STK32B: variants seen among roughly 807,000 people sequenced by gnomAD.
The protein encoded by STK32B is serine/threonine-protein kinase 32B.
In STK32B, 43 loss-of-function variants were observed where a neutral mutation model predicts 52.6. That is an observed-to-expected ratio of 0.82 (90% CI 0.64 to 1.05). The LOEUF (loss-of-function observed/expected upper bound fraction) is 1.05. Ranked by LOEUF, STK32B falls within the 50% of genes least tolerant of loss-of-function variation. The pLI, the probability that STK32B is intolerant of heterozygous loss-of-function variation, is 0.00. For missense variants in STK32B, 621 were observed against 534.6 expected (o/e 1.16, Z -1.59); for synonymous variants, 238 against 204.3 (o/e 1.17, Z -1.41).
At chr4:5,409,176 C>T (rs2109060723) in intron 5 of STK32B, among the ~76,000 whole-genome samples, 1 of 152,226 alleles carries the variant, frequency 6.6e-6, no homozygotes, top group South Asian at 2.1e-4. Flanking sequence ...ATCTCATCAG[C>T]AGAATCGAAA....
intron 3 of STK32B, among the ~76,000 whole-genome samples, chr4:5,308,316 T>C (rs1013809708): frequency 2.0e-5 from 3 of 152,190 alleles, no homozygotes; most frequent in Admixed American, 1.3e-4. Context: ...CAGTAGTTCT[T>C]GGAACAGAAG....
intron 2 of STK32B, among the ~76,000 whole-genome samples, chr4:5,152,486 G>T (rs1423874168): frequency 6.6e-6 from 1 of 152,220 alleles, no homozygotes; most frequent in South Asian, 2.1e-4. Context: ...GGAAATATTT[G>T]TGAGACAGGA....
At chr4:5,112,609 A>C (rs1714464164) in intron 1 of STK32B, among the ~76,000 whole-genome samples, 1 of 152,158 alleles carries the variant, frequency 6.6e-6, no homozygotes, top group Non-Finnish European at 1.5e-5. Context: ...TCAAATGTTA[A>C]TCTCATTTCC....
intron 7 of STK32B, among the ~76,000 whole-genome samples, chr4:5,450,102 C>T (rs1330897323): frequency 6.6e-6 from 1 of 152,130 alleles, no homozygotes; most frequent in African/African-American, 2.4e-5. Context: ...GAACCCTGTG[C>T]TTTTGGTTGG....
chr4:5,164,642 G>A (rs1349193987), intron 2 of STK32B, among the ~76,000 whole-genome samples: 9 of 152,200 alleles, frequency 5.9e-5, no homozygotes. Flanking sequence ...GTTGCAGGCT[G>A]CTAGCTTTAC....
chr4:5,170,413 C>T (rs370154492), intron 3 of STK32B, among the ~76,000 whole-genome samples: 60 of 152,210 alleles, frequency 3.9e-4, no homozygotes, highest in African/African-American at 1.1e-3. Flanking sequence ...CACCCATTAA[C>T]TCGTCATTTA....
At chr4:5,316,325 T>TTA (rs1411387130) in intron 3 of STK32B, among the ~76,000 whole-genome samples, 1 of 51,252 alleles carries the variant, frequency 2.0e-5, no homozygotes, top group Non-Finnish European at 2.8e-5. Flanking sequence ...ATATTATATA[T>TTA]TATATACAAT....
At chr4:5,206,587 A>G (rs1722590952) in intron 3 of STK32B, among the ~76,000 whole-genome samples, 1 of 152,128 alleles carries the variant, frequency 6.6e-6, no homozygotes, top group South Asian at 2.1e-4. Context: ...GGATAGGCCG[A>G]TGAATGGAGG....
intron 3 of STK32B, among the ~76,000 whole-genome samples, chr4:5,181,494 A>G (rs1411255787): frequency 6.6e-6 from 1 of 152,230 alleles, no homozygotes; most frequent in African/African-American, 2.4e-5. Flanking sequence ...GGTTTTATGT[A>G]TGGTAACCTA....
chr4:5,322,650 A>G (rs1278072405), intron 3 of STK32B, among the ~76,000 whole-genome samples: 18 of 152,204 alleles, frequency 1.2e-4, no homozygotes, highest in Admixed American at 1.1e-3. Flanking sequence ...CCTGGAGACT[A>G]AGAAAGGTCT....
At chr4:5,498,798 C>T (rs572780669) in intron 11 of STK32B, 147 bp from the exon 12 acceptor site, 31 of 1,225,854 alleles carry the variant, frequency 2.5e-5, no homozygotes, top group Non-Finnish European at 3.1e-5. Context: ...TGCACAGCAC[C>T]GTGGATGCCT....
intron 1 of STK32B, among the ~76,000 whole-genome samples, chr4:5,079,208 C>T (rs1712261636): frequency 1.3e-5 from 2 of 152,116 alleles, no homozygotes; most frequent in Admixed American, 1.3e-4. Context: ...ATTTATTTAA[C>T]TATATTCCTA....
Position 5,396,659 on chromosome 4 carries a change from C to T in STK32B, c.435-1548C>T, listed in dbSNP as rs1212961033. Among the ~76,000 whole-genome samples, 1 of 152,164 alleles carries T rather than the reference C, an allele frequency of 6.6e-6. No homozygotes were observed. Among genetic ancestry groups the T allele is most frequent in the Non-Finnish European group, 1.5e-5 (1 of 68,024 alleles). ...GGCCACAGCCATCTCCTCCCTGGTCCCCACACCACACATTAAATCATCTCA... is the reference window on the plus strand; with the variant it reads ...GGCCACAGCCATCTCCTCCCTGGTCTCCACACCACACATTAAATCATCTCA... On this transcript the variant is annotated intron_variant, in intron 4 of 11. Transcript: ENST00000282908. This position sits in a 1 kb window ranked among gnomAD's most constrained non-coding sequence, Gnocchi z 4.7.
intron 3 of STK32B, among the ~76,000 whole-genome samples, chr4:5,220,777 A>ACAGAGG (rs1198255715): frequency 6.6e-6 from 1 of 152,174 alleles, no homozygotes; most frequent in East Asian, 1.9e-4. Flanking sequence ...GGCAGAAAGA[A>ACAGAGG]CAGAGGCAGG....
intron 3 of STK32B, among the ~76,000 whole-genome samples, chr4:5,296,622 T>G (rs1408759078): frequency 6.6e-6 from 1 of 152,218 alleles, no homozygotes; most frequent in South Asian, 2.1e-4. Flanking sequence ...TTGGTGAATA[T>G]CCCTCCATCC....
chr4:5,480,512 T>C (rs1170824068), intron 11 of STK32B, among the ~76,000 whole-genome samples: 2 of 152,164 alleles, frequency 1.3e-5, no homozygotes, highest in African/African-American at 2.4e-5. Context: ...ATTAGTTGAG[T>C]TTATCTGAAG....
chr4:5,396,031 G>A lies in STK32B; in HGVS notation c.435-2176G>A, dbSNP rs1484530572. On this transcript the variant is annotated intron_variant, in intron 4 of 11. Transcript: ENST00000282908. The surrounding 1 kb of genome is among the most constrained non-coding windows in gnomAD (Gnocchi z 4.7). ...AATGGGGCCCTAGCTGCCCTTTGAG[G>A]TTTGCCCTCAACTCTATCAGCTCTC... 1.3e-5 allele frequency among the ~76,000 whole-genome samples: 2 copies of A among 152,230 alleles called. No individual in the cohort carries two copies. The highest frequency in any genetic ancestry group is 1.5e-5 in the Non-Finnish European group (1 of 68,034).
chr4:5,451,751 T>A (rs1716019771), intron 7 of STK32B, among the ~76,000 whole-genome samples: 1 of 152,154 alleles, frequency 6.6e-6, no homozygotes, highest in Admixed American at 6.5e-5. Flanking sequence ...CCCCACCCAG[T>A]TATGACAATC....
chr4:5,381,013 C>T (rs1389867659), intron 4 of STK32B, among the ~76,000 whole-genome samples: 1 of 152,144 alleles, frequency 6.6e-6, no homozygotes. Flanking sequence ...GTGTAAATGA[C>T]CACGCTGATC....
Sources: allele counts gnomAD v4.1 joint callset (sites outside exome capture counted in the v4.1 genomes callset), GRCh38; gene constraint gnomAD v4.1.1; non-coding constraint Gnocchi (gnomAD v3.1); transcripts MANE v1.5; gene names NCBI Gene and HGNC (gene_info 2026-07-23, HGNC 2026-07-21).